The following PDE10A variants were observed in gnomAD, a reference collection of about 807,000 sequenced individuals.
The protein encoded by PDE10A is cAMP and cAMP-inhibited cGMP 3',5'-cyclic phosphodiesterase 10A.
A neutral mutation model predicts 97.7 loss-of-function variants in PDE10A; 39 were observed. The observed-to-expected ratio is 0.40, with a 90% CI of 0.31 to 0.52. The LOEUF is 0.52. Among genes scored for constraint, PDE10A ranks in the 20% least tolerant of loss-of-function variants. The probability of loss-of-function intolerance (pLI) is 0.56; values close to 1 mark genes in which losing one functional copy is unlikely to be tolerated. For missense variants in PDE10A, 731 were observed against 1,047.8 expected (o/e 0.70, Z 4.17); for synonymous variants, 371 against 376.8 (o/e 0.98, Z 0.18).
chr6:165,848,839 C>G (rs1236777956), intron 1 of PDE10A, among the ~76,000 whole-genome samples: 3 of 152,122 alleles, frequency 2.0e-5, no homozygotes, highest in Non-Finnish European at 4.4e-5. Context: ...CCCAGGGGGG[C>G]CCCACGGGAT....
chr6:165,797,142 T>C (rs1443312092), intron 1 of PDE10A, among the ~76,000 whole-genome samples: 1 of 152,112 alleles, frequency 6.6e-6, no homozygotes, highest in Non-Finnish European at 1.5e-5. Context: ...GGCGATGGAG[T>C]TCAGATGACG....
intron 18 of PDE10A, among the ~76,000 whole-genome samples, chr6:165,371,719 T>G (rs1184911379): frequency 6.6e-6 from 1 of 151,882 alleles, no homozygotes; most frequent in Non-Finnish European, 1.5e-5. Flanking sequence ...CCTCCCTAAC[T>G]CATTTTATGA....
At chr6:165,942,245 A>T (rs1376997157) in intron 1 of PDE10A, among the ~76,000 whole-genome samples, 1 of 152,072 alleles carries the variant, frequency 6.6e-6, no homozygotes, top group African/African-American at 2.4e-5. Flanking sequence ...TAGCAGGGGA[A>T]TTAAAAATGC....
At chr6:165,357,868 T>C (rs919354076) in intron 18 of PDE10A, among the ~76,000 whole-genome samples, 1 of 152,110 alleles carries the variant, frequency 6.6e-6, no homozygotes, top group African/African-American at 2.4e-5. Context: ...CCAGATTATT[T>C]ACTTCCCACA....
chr6:165,958,715 A>AGAAG (rs1784257780), intron 1 of PDE10A, among the ~76,000 whole-genome samples: 1 of 43,744 alleles, frequency 2.3e-5, no homozygotes, highest in Non-Finnish European at 4.2e-5. Context: ...AAAGAAAGAG[A>AGAAG]GAAGAAAGAA....
At chr6:165,934,355 G>A (rs538559784) in intron 1 of PDE10A, among the ~76,000 whole-genome samples, 2 of 151,834 alleles carry the variant, frequency 1.3e-5, no homozygotes, top group South Asian at 4.2e-4. Context: ...ATCTTTAGCT[G>A]CACCAAAATG....
At chr6:165,525,974 C>A (rs1434621753) in intron 2 of PDE10A, among the ~76,000 whole-genome samples, 1 of 152,224 alleles carries the variant, frequency 6.6e-6, no homozygotes, top group Non-Finnish European at 1.5e-5. Context: ...ACAATTATGG[C>A]CCCTCAATTA....
At chr6:165,842,664 C>T (rs924153510) in intron 1 of PDE10A, among the ~76,000 whole-genome samples, 9 of 152,172 alleles carry the variant, frequency 5.9e-5, no homozygotes, top group East Asian at 1.9e-4. Flanking sequence ...GGGCCAAGGA[C>T]GGTCATAAGC....
intron 1 of PDE10A, among the ~76,000 whole-genome samples, chr6:165,579,897 G>A (rs1326323289): frequency 6.6e-6 from 1 of 152,088 alleles, no homozygotes; most frequent in Non-Finnish European, 1.5e-5. Flanking sequence ...GCGAGCTATT[G>A]TTCAAAATGT....
At chr6:165,443,453 C>T (rs1790618501) in intron 5 of PDE10A, among the ~76,000 whole-genome samples, 1 of 152,102 alleles carries the variant, frequency 6.6e-6, no homozygotes. Flanking sequence ...AGGGTATGGC[C>T]CCTGTGGCTG....
chr6:165,408,375 T>C (rs929090167), intron 13 of PDE10A, among the ~76,000 whole-genome samples: 3 of 152,126 alleles, frequency 2.0e-5, no homozygotes, highest in African/African-American at 7.2e-5. Context: ...GTGTTTTTCC[T>C]AATTTTCATA....
chr6:165,387,129 T>G (rs1347077178), intron 17 of PDE10A, among the ~76,000 whole-genome samples: 2 of 152,196 alleles, frequency 1.3e-5, no homozygotes, highest in Non-Finnish European at 2.9e-5. Flanking sequence ...GAATGATGAC[T>G]ACATGTTGCT....
chr6:165,620,764 G>GGTGCAGGGGCTCACGCCT (rs369808830), intron 1 of PDE10A, among the ~76,000 whole-genome samples: 29,431 of 151,904 alleles, frequency 0.19, 4,305 homozygotes, highest in African/African-American at 0.42. Flanking sequence ...GAGAAGGCTG[G>GGTGCAGGGGCTCACGCCT]GTAATCCCAA....
chr6:165,945,299 T>C (rs1583323765), intron 1 of PDE10A, among the ~76,000 whole-genome samples: 1 of 152,298 alleles, frequency 6.6e-6, no homozygotes, highest in South Asian at 2.1e-4. Context: ...GCATCTAAAC[T>C]GAAGTCTCAT....
At chr6:165,558,815 A>G (rs1030747113) in intron 1 of PDE10A, among the ~76,000 whole-genome samples, 4 of 152,212 alleles carry the variant, frequency 2.6e-5, no homozygotes, top group Non-Finnish European at 4.4e-5. Context: ...TGCAAAGTCG[A>G]TAAGGGTACA....
At chr6:165,848,764 G>T (rs970401491) in intron 1 of PDE10A, among the ~76,000 whole-genome samples, 1 of 152,152 alleles carries the variant, frequency 6.6e-6, no homozygotes, top group African/African-American at 2.4e-5. Context: ...GTGGCCGGGG[G>T]AATCAAGGTT....
intron 1 of PDE10A, among the ~76,000 whole-genome samples, chr6:165,708,686 T>C (rs1459006528): frequency 6.6e-6 from 1 of 151,522 alleles, no homozygotes; most frequent in Non-Finnish European, 1.5e-5. Flanking sequence ...TCCCTCTCCA[T>C]GCTCCTGCGC....
chr6:165,425,611 T>C (rs1789070264), intron 10 of PDE10A, among the ~76,000 whole-genome samples: 1 of 152,126 alleles, frequency 6.6e-6, no homozygotes, highest in South Asian at 2.1e-4. Flanking sequence ...TGCTTCTTCC[T>C]TGAGATCAGG....
intron 2 of PDE10A, among the ~76,000 whole-genome samples, chr6:165,517,315 C>G (rs972043891): frequency 4.6e-5 from 7 of 152,146 alleles, no homozygotes; most frequent in African/African-American, 1.7e-4. Context: ...GACTCACAGT[C>G]TCTATCAAAA....
Sources: allele counts gnomAD v4.1 joint callset (sites outside exome capture counted in the v4.1 genomes callset), GRCh38; gene constraint gnomAD v4.1.1; transcripts MANE v1.5; gene names NCBI Gene and HGNC (gene_info 2026-07-23, HGNC 2026-07-21).